KAZN: variants seen among roughly 807,000 people sequenced by gnomAD.
KAZN encodes kazrin.
Under a neutral mutation model 87.4 loss-of-function variants are expected in KAZN, and 40 were observed. That is an observed-to-expected ratio of 0.46 (90% CI 0.36 to 0.60). KAZN has a LOEUF of 0.60. Ranked by LOEUF, KAZN falls within the 20% of genes least tolerant of loss-of-function variation. The pLI is 0.00. For missense variants in KAZN, 898 were observed against 1,073.9 expected (o/e 0.84, Z 2.29); for synonymous variants, 466 against 458.3 (o/e 1.02, Z -0.22).
At chr1:14,740,083 G>T (rs1482005663) in intron 1 of KAZN, among the ~76,000 whole-genome samples, 1 of 152,138 alleles carries the variant, frequency 6.6e-6, no homozygotes, top group Non-Finnish European at 1.5e-5. Context: ...CTTGCAAAGC[G>T]GGGTTTTTGT....
intron 1 of KAZN, among the ~76,000 whole-genome samples, chr1:14,760,081 G>C (rs373898524): frequency 6.6e-6 from 1 of 152,058 alleles, no homozygotes; most frequent in South Asian, 2.1e-4. Flanking sequence ...TTACATTCCA[G>C]GTGGGTGTAA....
In KAZN at chr1:15,046,297, C is replaced by CAA. The variant is rs55932579; in HGVS notation, c.726+2147_726+2148dup. Among the ~76,000 whole-genome samples the CAA allele has an allele frequency of 6.9e-3, 933 of 134,328 alleles. 29 individuals carry two copies. Among genetic ancestry groups the CAA allele is most frequent in the South Asian group, 0.014 (60 of 4,240 alleles). 88.1% of individuals were successfully genotyped at this position (134,328 alleles called of 152,430 possible). On this transcript the variant is annotated intron_variant, in intron 4 of 14. Coordinates refer to ENST00000376030, the MANE Select transcript of KAZN (RefSeq NM_201628.3). ...TGGGCAACAGAGCAAGACTCCGTCT[C>CAA]AAAAAAAAAAGAGAATCATAAGGAA...
chr1:14,736,465 ATTTT>A (rs756285598), intron 1 of KAZN, among the ~76,000 whole-genome samples: 69 of 108,034 alleles, frequency 6.4e-4, no homozygotes, highest in African/African-American at 2.2e-3. Context: ...CACCCAGCTA[ATTTT>A]TTTTTTTTTT....
At chr1:14,753,103 G>T (rs1355237543) in intron 1 of KAZN, among the ~76,000 whole-genome samples, 1 of 152,212 alleles carries the variant, frequency 6.6e-6, no homozygotes, top group Non-Finnish European at 1.5e-5. Context: ...GAGGTCAATT[G>T]CCGACTGTTT....
At chr1:14,640,256 C>T (rs528784008) in intron 1 of KAZN, among the ~76,000 whole-genome samples, 17 of 152,228 alleles carry the variant, frequency 1.1e-4, no homozygotes, top group Non-Finnish European at 2.4e-4. Context: ...AGGTTTCAAC[C>T]GTCTGGGACC....
intron 1 of KAZN, among the ~76,000 whole-genome samples, chr1:14,906,221 A>AG (rs1206349812): frequency 6.6e-6 from 1 of 150,892 alleles, no homozygotes; most frequent in African/African-American, 2.4e-5. Context: ...ATAATAATAC[A>AG]GCACATGGAT....
chr1:14,198,213 A>T (rs1646567610), intron 2 of KAZN, among the ~76,000 whole-genome samples: 1 of 152,208 alleles, frequency 6.6e-6, no homozygotes, highest in African/African-American at 2.4e-5. Context: ...AATAGAAGCC[A>T]CTAGAGGATC....
chr1:14,620,136 C>A (rs529543902), intron 1 of KAZN, among the ~76,000 whole-genome samples: 1 of 152,124 alleles, frequency 6.6e-6, no homozygotes, highest in Non-Finnish European at 1.5e-5. Flanking sequence ...TGTATATATG[C>A]GTATTTTACA....
rs1235063191 is a variant in KAZN at position 14,923,857 on chromosome 1, A to G, written c.227-36827A>G. On this transcript the variant is annotated intron_variant, in intron 1 of 14. Transcript: ENST00000376030. This position sits in a 1 kb window ranked among gnomAD's most constrained non-coding sequence, Gnocchi z 4.2. ...CACAGCAAAGTGGGGTGCCAGGCAGAGGCCAGGGGCTTTCAAAGACCGGGG... is the reference window on the plus strand; with the variant it reads ...CACAGCAAAGTGGGGTGCCAGGCAGGGGCCAGGGGCTTTCAAAGACCGGGG... Among the ~76,000 whole-genome samples, 1 of 152,224 alleles carries G rather than the reference A, an allele frequency of 6.6e-6. No individual in the cohort carries two copies. Among genetic ancestry groups the G allele is most frequent in the African/African-American group, 2.4e-5 (1 of 41,458 alleles).
At chr1:14,761,025 A>T (rs921827341) in intron 1 of KAZN, among the ~76,000 whole-genome samples, 1 of 152,198 alleles carries the variant, frequency 6.6e-6, no homozygotes, top group Admixed American at 6.5e-5. Flanking sequence ...TGGCCCACAG[A>T]CAGTAATTCG....
Position 14,128,204 on chromosome 1 carries a change from C to G in KAZN, c.92-52231C>G, listed in dbSNP as rs570064478. Among the ~76,000 whole-genome samples the G allele has an allele frequency of 1.4e-4, 21 of 152,228 alleles. No individual in the cohort carries two copies. In the East Asian group the frequency reaches 1.6e-3, roughly 11 times the overall value. On this transcript the variant is annotated intron_variant, in intron 1 of 16. Transcript: ENST00000636203. ...CAGTTTCTCAGGGGATAAGGTGGTA[C>G]TGCACCATCTTTGTGCTTTGGTGCA...
At chr1:14,185,923 T>C (rs1646295085) in intron 2 of KAZN, among the ~76,000 whole-genome samples, 2 of 152,202 alleles carry the variant, frequency 1.3e-5, no homozygotes, top group Non-Finnish European at 1.5e-5. Context: ...GTTGTTTCAG[T>C]GTTTGGTGCG....
intron 4 of KAZN, among the ~76,000 whole-genome samples, chr1:15,050,083 C>CAGTAGAGTAGAGTAG (rs1465856173): frequency 3.0e-4 from 27 of 88,824 alleles, no homozygotes; most frequent in African/African-American, 1.3e-3. Context: ...GAGTAGAGTA[C>CAGTAGAGTAGAGTAG]AGTAGAGTAC....
intron 1 of KAZN, among the ~76,000 whole-genome samples, chr1:14,043,868 T>A (rs963115538): frequency 6.6e-6 from 1 of 152,152 alleles, no homozygotes; most frequent in African/African-American, 2.4e-5. Flanking sequence ...AGAGCCAGTG[T>A]TCCAATTATA....
chr1:14,566,022 A>G (rs1223563248), intron 2 of KAZN, among the ~76,000 whole-genome samples: 1 of 152,198 alleles, frequency 6.6e-6, no homozygotes, highest in Non-Finnish European at 1.5e-5. Context: ...AAATGTTCTT[A>G]ATGACATCTA....
At chr1:15,072,804 G>A (rs1014748348) in intron 8 of KAZN, among the ~76,000 whole-genome samples, 45 of 152,156 alleles carry the variant, frequency 3.0e-4, no homozygotes, top group African/African-American at 9.9e-4. Flanking sequence ...ACTTTGCTGT[G>A]TAGTCTCAGG....
chr1:15,003,575 G>C (rs1227059034), intron 2 of KAZN, among the ~76,000 whole-genome samples: 5 of 152,182 alleles, frequency 3.3e-5, no homozygotes, highest in African/African-American at 1.2e-4. Flanking sequence ...TGCCCACTGG[G>C]TTTGGCCAAG....
rs560293315 is a variant in KAZN, at chr1:14,398,133, T to C, written c.250-200850T>C. On this transcript the variant is annotated intron_variant, in intron 2 of 16. Coordinates refer to the KAZN transcript ENST00000636203. ...CCTGTGTTACAGTAATATATAAAAC[T>C]AATATAGTCATGAGTTAAATGATTC... is the stretch of plus-strand genomic sequence containing the variant. Among the ~76,000 whole-genome samples the C allele has an allele frequency of 3.3e-5, 5 of 152,306 alleles. No individual in the cohort carries two copies. In the South Asian group the frequency reaches 1.0e-3, roughly 32 times the overall value.
intron 2 of KAZN, among the ~76,000 whole-genome samples, chr1:15,022,374 G>C (rs1032030402): frequency 2.0e-5 from 3 of 152,232 alleles, no homozygotes; most frequent in African/African-American, 7.2e-5. Context: ...CCGGAGTTTT[G>C]CGGTTGGGGA....
Sources: allele counts gnomAD v4.1 joint callset (sites outside exome capture counted in the v4.1 genomes callset), GRCh38; gene constraint gnomAD v4.1.1; non-coding constraint Gnocchi (gnomAD v3.1); transcripts MANE v1.5; gene names NCBI Gene and HGNC (gene_info 2026-07-23, HGNC 2026-07-21).